TMEM18: variants seen among roughly 807,000 people sequenced by gnomAD.
The protein encoded by TMEM18 is transmembrane protein 18.
A neutral mutation model predicts 17.4 loss-of-function variants in TMEM18; 14 were observed. The observed-to-expected ratio is 0.80, with a 90% CI of 0.53 to 1.25. The LOEUF (loss-of-function observed/expected upper bound fraction) is 1.25, where lower values mean the gene tolerates loss of function less well. Among genes scored for constraint, TMEM18 ranks in the 50% most tolerant of loss-of-function variants. TMEM18 has a pLI of 0.00. For missense variants in TMEM18, 187 were observed against 172.1 expected (o/e 1.09, Z -0.48); for synonymous variants, 86 against 66.1 (o/e 1.30, Z -1.46).
chr2:677,064 G>GA (rs1659271449), intron 1 of TMEM18: 2 of 317,712 alleles, frequency 6.3e-6, no homozygotes, highest in African/African-American at 5.1e-5. Flanking sequence ...CCCGGCCCCG[G>GA]CCCCCTCCCA....
intron 2 of TMEM18, 59 bp from the exon 3 acceptor site, chr2:672,921 G>A (rs1415336315): frequency 1.4e-6 from 2 of 1,428,548 alleles, no homozygotes. Context: ...TCGTTATAAA[G>A]TTATACATTC....
intron 2 of TMEM18, among the ~76,000 whole-genome samples, chr2:673,694 GGAAA>G (rs1364647456): frequency 6.8e-6 from 1 of 146,398 alleles, no homozygotes; most frequent in African/African-American, 2.5e-5. Flanking sequence ...ATAAAGCAGA[GGAAA>G]AGAATGCACA....
intron 3 of TMEM18, among the ~76,000 whole-genome samples, chr2:671,858 C>G (rs12989120): frequency 0.8 from 104,928 of 131,878 alleles, 41,829 homozygotes; most frequent in Non-Finnish European, 0.83. Context: ...ATGTGAAGGC[C>G]CTGCATCCGG....
rs1678678415 is a variant in TMEM18, at chr2:665,974, GCTCA to G, written c.*3602_*3605del. Among the ~76,000 whole-genome samples, 3 of 150,672 alleles carry G rather than the reference GCTCA, an allele frequency of 2.0e-5. No homozygotes were observed. In the South Asian group the frequency reaches 6.3e-4, roughly 32 times the overall value. On this transcript the variant is annotated 3_prime_UTR_variant, in exon 5 of 5. Transcript: ENST00000281017. ...CAAAACCCAGAGATGCGGATGCCCA[GCTCA>G]CTCGGATGGAGTATTAACCCCATGT... is the stretch of plus-strand genomic sequence containing the variant.
chr2:669,208 T>C lies in TMEM18; in HGVS notation c.*372A>G. 5.6e-6 allele frequency: 1 copy of C among 179,698 alleles called. No individual in the cohort carries two copies. The highest frequency in any genetic ancestry group is 1.2e-5 in the Non-Finnish European group (1 of 85,652). 11.1% of individuals were successfully genotyped at this position (179,698 alleles called of 1,614,324 possible). On this transcript the variant is annotated 3_prime_UTR_variant, in exon 5 of 5. Coordinates refer to ENST00000281017, the MANE Select transcript of TMEM18 (RefSeq NM_152834.4). ...CACGAGGAGGAGGGCATGGTGCCCATGTACAGGTGGCACTGTTTATTATTG... is the reference window on the plus strand; with the variant it reads ...CACGAGGAGGAGGGCATGGTGCCCACGTACAGGTGGCACTGTTTATTATTG...
In TMEM18 at chr2:676,481, G is replaced by GTA. The variant is rs1659223593; in HGVS notation, c.57+807_57+808insTA. The stretch of plus-strand genomic sequence containing the variant: ...CGGCACAGCCCTCCAGAACTCCTGT[G>GTA]TCACTACTCTCTGCTGGGGACCGCA... On this transcript the variant is annotated intron_variant, in intron 1 of 4. Coordinates refer to ENST00000281017, the MANE Select transcript of TMEM18 (RefSeq NM_152834.4). The GTA allele has an allele frequency of 2.6e-5, 22 of 853,112 alleles. No individual in the cohort carries two copies. In the South Asian group the frequency reaches 4.3e-4, roughly 17 times the overall value. The allele number at this position is 853,112 out of a possible 1,614,324, so 52.8% of individuals were successfully genotyped here. A position where few individuals can be genotyped will look rare whatever the true frequency, so the allele number is the denominator to read the frequency against.
Position 669,606 on chromosome 2 carries a change from T to C in TMEM18, c.397A>G (p.Lys133Glu), listed in dbSNP as rs1226080471. ...LKNAQERRKE[K>E]KRRRKED ...CAGTCTTCTTTCCTTCTCCTTTTCT[T>C]TTCCTTTCTTCTCTCTTGTGCATTC... Residue 133 changes from lysine to glutamate, a missense_variant, in exon 5 of 5, where the codon AAG becomes GAG. Transcript: ENST00000281017. The C allele has an allele frequency of 1.9e-6, 3 of 1,614,232 alleles. No individual in the cohort carries two copies. Among genetic ancestry groups the C allele is most frequent in the Non-Finnish European group, 2.5e-6 (3 of 1,180,046 alleles).
chr2:674,011 G>C (rs774001733), intron 2 of TMEM18, among the ~76,000 whole-genome samples: 38 of 152,152 alleles, frequency 2.5e-4, no homozygotes, highest in Non-Finnish European at 4.6e-4. Context: ...TCTGAATCTT[G>C]AATCTTGATG....
rs1054272431 is a variant in TMEM18, at chr2:676,362, G to A, written c.58-732C>T. On this transcript the variant is annotated intron_variant, in intron 1 of 4. Coordinates refer to ENST00000281017, the MANE Select transcript of TMEM18 (RefSeq NM_152834.4). The stretch of plus-strand genomic sequence containing the variant: ...TCAACCCTCCCCATCCCCTCCTTGA[G>A]CGCCCTCCTGCAGAAGACAAGCCCT... 4 of 1,420,482 alleles carry A rather than the reference G, an allele frequency of 2.8e-6. No individual in the cohort carries two copies. In the African/African-American group the frequency reaches 5.7e-5, roughly 20 times the overall value. The allele number at this position is 1,420,482 out of a possible 1,614,324, so 88.0% of individuals were successfully genotyped here. A position where few individuals can be genotyped will look rare whatever the true frequency, so the allele number is the denominator to read the frequency against.
At chr2:677,213 G>A (rs3749138) in intron 1 of TMEM18, 76 bp downstream of exon 1, 1,272,923 of 1,535,626 alleles carry the variant, frequency 0.83, 527,993 homozygotes, top group East Asian at 0.86. Context: ...GCCACAGGCC[G>A]GGTGCTCTGT....
intron 1 of TMEM18, 42 bp downstream of exon 1, chr2:677,247 C>T: frequency 2.5e-6 from 4 of 1,590,944 alleles, no homozygotes; most frequent in African/African-American, 1.3e-5. Flanking sequence ...CGCCTCTCCG[C>T]CGTCCTCCCC....
rs373713395 is a variant in TMEM18, at chr2:665,752, G to C, written c.*3828C>G. Among the ~76,000 whole-genome samples the C allele has an allele frequency of 1.4e-5, 2 of 147,496 alleles. No homozygotes were observed. Among genetic ancestry groups the C allele is most frequent in the African/African-American group, 2.5e-5 (1 of 39,490 alleles). On this transcript the variant is annotated 3_prime_UTR_variant, in exon 5 of 5. Transcript: ENST00000281017. ...TGCAGATGCCCCACTCACTCAGATG[G>C]AGCATCAACCCCACACACAACAGGA...
intron 2 of TMEM18, 40 bp downstream of exon 2, chr2:675,470 A>G: frequency 6.2e-7 from 1 of 1,613,586 alleles, no homozygotes. Context: ...TTCATTTCAC[A>G]CAGTGATCTG....
chr2:677,177 CCCCGCCCACGGCCGGGGCCTT>C, intron 1 of TMEM18, 91 bp downstream of exon 1: 3 of 1,390,270 alleles, frequency 2.2e-6, no homozygotes, highest in Non-Finnish European at 3.0e-6. Context: ...CGCCACAAGG[CCCCGCCCACGGCCGGGGCCTT>C]CTTGGCCACA....
At chr2:672,975 C>T in intron 2 of TMEM18, 113 bp from the exon 3 acceptor site, 1 of 1,033,132 alleles carries the variant, frequency 9.7e-7, no homozygotes, top group East Asian at 3.1e-5. Flanking sequence ...TAATTTTAAA[C>T]ATAACATCAG....
intron 3 of TMEM18, among the ~76,000 whole-genome samples, chr2:671,467 G>T (rs1418382150): frequency 2.5e-4 from 1 of 4,026 alleles, no homozygotes; most frequent in African/African-American, 1.8e-3. Flanking sequence ...GGTCCTCCTG[G>T]GACTGAACCA....
At chr2:673,707 C>T (rs1678918032) in intron 2 of TMEM18, among the ~76,000 whole-genome samples, 1 of 134,082 alleles carries the variant, frequency 7.5e-6, no homozygotes, top group Admixed American at 9.2e-5. Context: ...AAAGAATGCA[C>T]AGGGAAAGAA....
In TMEM18 at chr2:665,313, T is replaced by C. The variant is rs375835641; in HGVS notation, c.*4267A>G. ...GATAGAGAATCAACCCCACATAAAA[T>C]AGAACCCAGAGATGCAGATGCACCA... On this transcript the variant is annotated 3_prime_UTR_variant, in exon 5 of 5. Coordinates refer to ENST00000281017, the MANE Select transcript of TMEM18 (RefSeq NM_152834.4). Among the ~76,000 whole-genome samples the C allele has an allele frequency of 7.0e-6, 1 of 143,384 alleles. No homozygotes were observed. The highest frequency in any genetic ancestry group is 1.5e-5 in the Non-Finnish European group (1 of 65,784). The allele number at this position is 143,384 out of a possible 152,430, so 94.1% of individuals were successfully genotyped here. A position where few individuals can be genotyped will look rare whatever the true frequency, so the allele number is the denominator to read the frequency against.
chr2:669,876 T>C (rs765995956), intron 3 of TMEM18, 26 bp from the exon 4 acceptor site: 1 of 1,580,536 alleles, frequency 6.3e-7, no homozygotes, highest in Non-Finnish European at 8.6e-7. Context: ...AAACAAAAAA[T>C]TACTAGGCAA....
Sources: allele counts gnomAD v4.1 joint callset (sites outside exome capture counted in the v4.1 genomes callset), GRCh38; gene constraint gnomAD v4.1.1; transcripts MANE v1.5; gene names NCBI Gene and HGNC (gene_info 2026-07-23, HGNC 2026-07-21).